The following NTM variants were observed in gnomAD, a reference collection of about 807,000 sequenced individuals.
NTM encodes the protein neurotrimin.
In NTM, 13 loss-of-function variants were observed where a neutral mutation model predicts 42.1. The observed-to-expected ratio is 0.31, with a 90% CI of 0.20 to 0.49. The LOEUF is 0.49. NTM is among the 20% of genes least tolerant of loss of function. NTM has a pLI of 0.99. For synonymous variants in NTM, 187 were observed against 179.2 expected (o/e 1.04, Z -0.35); for missense variants, 373 against 452.8 (o/e 0.82, Z 1.60).
intron 1 of NTM, among the ~76,000 whole-genome samples, chr11:131,647,320 G>T (rs112011158): frequency 2.7e-3 from 418 of 152,322 alleles, no homozygotes; most frequent in African/African-American, 9.5e-3. Flanking sequence ...GTAGCTGCGC[G>T]GATGGACATC....
At chr11:132,156,982 AG>A (rs2073329557) in intron 3 of NTM, among the ~76,000 whole-genome samples, 1 of 152,222 alleles carries the variant, frequency 6.6e-6, no homozygotes, top group Non-Finnish European at 1.5e-5. Context: ...TGTGGCCACA[AG>A]CCAAAGAATG....
In NTM at chr11:131,401,828, A is replaced by ATGTG. The variant is rs1408568609; in HGVS notation, c.82+30941_82+30942insGTGT. 2.5e-3 allele frequency among the ~76,000 whole-genome samples: 131 copies of ATGTG among 53,342 alleles called. 3 individuals are homozygous for ATGTG. Among genetic ancestry groups the ATGTG allele is most frequent in the Admixed American group, 3.3e-3 (20 of 6,134 alleles). 35.0% of individuals were successfully genotyped at this position (53,342 alleles called of 152,430 possible). ...TATATATATATATATATATATATAT[A>ATGTG]TATATATATATATATATATATATAT... On this transcript the variant is annotated intron_variant, in intron 1 of 8. Coordinates refer to ENST00000683400, the MANE Select transcript of NTM (RefSeq NM_001352005.2).
intron 1 of NTM, among the ~76,000 whole-genome samples, chr11:131,808,693 G>A (rs928401391): frequency 6.6e-6 from 1 of 152,134 alleles, no homozygotes; most frequent in African/African-American, 2.4e-5. Flanking sequence ...GGAGAGGAGT[G>A]CTCCTAGCTG....
chr11:131,803,301 G>C, intron 1 of NTM, among the ~76,000 whole-genome samples: 1 of 147,272 alleles, frequency 6.8e-6, no homozygotes, highest in Non-Finnish European at 1.5e-5. Context: ...TTTGGGAGTG[G>C]GTTTTTTTTT....
intron 2 of NTM, among the ~76,000 whole-genome samples, chr11:132,097,268 A>G (rs539107615): frequency 6.6e-6 from 1 of 152,240 alleles, no homozygotes; most frequent in Admixed American, 6.5e-5. Flanking sequence ...GTCCTTCCTA[A>G]AGGGAACACA....
intron 1 of NTM, among the ~76,000 whole-genome samples, chr11:131,818,655 A>G (rs921025322): frequency 1.3e-5 from 2 of 152,100 alleles, no homozygotes; most frequent in Non-Finnish European, 2.9e-5. Context: ...CATTCATTTA[A>G]TCATTCACAG....
At chr11:132,136,645 T>G (rs1452047088) in intron 2 of NTM, among the ~76,000 whole-genome samples, 1 of 152,204 alleles carries the variant, frequency 6.6e-6, no homozygotes, top group African/African-American at 2.4e-5. Flanking sequence ...GGTGCCAGGC[T>G]TCACACACAC....
chr11:132,269,487 T>C (rs915328246), intron 4 of NTM, among the ~76,000 whole-genome samples: 12 of 152,198 alleles, frequency 7.9e-5, no homozygotes, highest in Non-Finnish European at 1.8e-4. Context: ...TACTCATCAA[T>C]AACAATCCCA....
chr11:131,703,047 A>G (rs1056056034), intron 1 of NTM, among the ~76,000 whole-genome samples: 6 of 152,242 alleles, frequency 3.9e-5, no homozygotes, highest in Admixed American at 3.3e-4. Context: ...AAAAATCTAC[A>G]TAGATCCCAA....
chr11:131,576,569 C>T (rs1025482651), intron 1 of NTM, among the ~76,000 whole-genome samples: 1 of 152,190 alleles, frequency 6.6e-6, no homozygotes, highest in Admixed American at 6.5e-5. Flanking sequence ...CACACCAACC[C>T]TTCAACGACT....
At position 131,773,670 on chromosome 11, in the gene NTM, C is replaced by A. The variant is rs544335598; in HGVS notation, c.83-137894C>A. Among the ~76,000 whole-genome samples, 4 of 152,284 alleles carry A rather than the reference C, an allele frequency of 2.6e-5. No homozygotes were observed. In the East Asian group the frequency reaches 5.8e-4, roughly 22 times the overall value. On this transcript the variant is annotated intron_variant, in intron 1 of 8. Transcript: ENST00000683400. ...TCTTTGCCATATCTTTTAACATTTT[C>A]TTTTCTTCCTGACTGCTTACATTCT...
intron 1 of NTM, chr11:131,662,388 C>T (rs988393128): frequency 6.6e-6 from 1 of 152,218 alleles, no homozygotes; most frequent in Admixed American, 6.5e-5. Flanking sequence ...GCTGCAGACA[C>T]ACCTGGGAAT....
chr11:131,897,625 G>C (rs1437818488), intron 1 of NTM, among the ~76,000 whole-genome samples: 1 of 152,174 alleles, frequency 6.6e-6, no homozygotes, highest in African/African-American at 2.4e-5. Flanking sequence ...AACTCGAGTA[G>C]AGCAAATATA....
chr11:131,386,433 A>G (rs1943323401), intron 1 of NTM, among the ~76,000 whole-genome samples: 1 of 152,274 alleles, frequency 6.6e-6, no homozygotes, highest in Non-Finnish European at 1.5e-5. Flanking sequence ...TGGTACACTT[A>G]GAAATGGTTA....
intron 1 of NTM, among the ~76,000 whole-genome samples, chr11:131,497,390 T>A (rs1257831725): frequency 6.6e-6 from 1 of 151,922 alleles, no homozygotes; most frequent in Non-Finnish European, 1.5e-5. Context: ...GGTTTCACCA[T>A]GTTGCCCAGG....
At position 131,370,891 on chromosome 11, in the gene NTM, A is replaced by G; in HGVS notation, c.82+3A>G. 6.2e-7 allele frequency: 1 copy of G among 1,613,916 alleles called. No homozygotes were observed. The highest frequency in any genetic ancestry group is 8.5e-7 in the Non-Finnish European group (1 of 1,179,940). On this transcript the variant is annotated splice_donor_region_variant and intron_variant, in intron 1 of 8. Coordinates refer to ENST00000683400, the MANE Select transcript of NTM (RefSeq NM_001352005.2). ...GGCTGCTCTGTGTCTCTTCCAAGGT[A>G]AGAGCTTGCTATTGATTTGCCTTCG...
At chr11:132,154,691 A>G (rs2072778562) in intron 3 of NTM, among the ~76,000 whole-genome samples, 7 of 152,226 alleles carry the variant, frequency 4.6e-5, no homozygotes, top group Admixed American at 4.6e-4. Context: ...GAGAGTCCTC[A>G]TACAAATGAG....
At chr11:131,997,508 G>C (rs1423166073) in intron 2 of NTM, among the ~76,000 whole-genome samples, 1 of 152,198 alleles carries the variant, frequency 6.6e-6, no homozygotes, top group African/African-American at 2.4e-5. Flanking sequence ...TGGCATGGTG[G>C]TGGTGAGCAT....
chr11:131,825,777 T>A (rs1305881791), intron 1 of NTM, among the ~76,000 whole-genome samples: 3 of 152,104 alleles, frequency 2.0e-5, no homozygotes, highest in African/African-American at 7.2e-5. Context: ...GGGTACAGGA[T>A]GACAACTGGA....
Sources: gnomAD v4.1 joint callset for allele counts (sites outside exome capture counted in the v4.1 genomes callset) on GRCh38, gnomAD v4.1.1 for gene constraint, MANE v1.5 for transcripts, NCBI Gene and HGNC (gene_info 2026-07-23, HGNC 2026-07-21) for gene names.